ZBBX: variants seen among roughly 807,000 people sequenced by gnomAD.
The protein encoded by ZBBX is zinc finger B-box domain-containing protein 1.
In ZBBX, 101 loss-of-function variants were observed where a neutral mutation model predicts 108.5. The ratio of observed to expected loss-of-function variants is 0.93; its 90% CI spans 0.79 to 1.10. ZBBX has a LOEUF of 1.10. Ranked by LOEUF, ZBBX falls within the 50% of genes least tolerant of loss-of-function variation. The pLI is 0.00. For synonymous variants in ZBBX, 356 were observed against 323.4 expected (o/e 1.10, Z -1.08); for missense variants, 1,009 against 941.4 (o/e 1.07, Z -0.94).
chr3:167,368,818 A>T (rs897967403), intron 4 of ZBBX: 2 of 863,120 alleles, frequency 2.3e-6, no homozygotes, highest in Non-Finnish European at 2.9e-6. Context: ...GGGGTTCAAA[A>T]TTATAATTAA....
chr3:167,355,763 CAACT>C (rs1291073456), intron 8 of ZBBX, among the ~76,000 whole-genome samples: 2 of 151,922 alleles, frequency 1.3e-5, no homozygotes, highest in African/African-American at 4.8e-5. Context: ...TATGTTTTGA[CAACT>C]AACATGGGAT....
intron 1 of ZBBX, among the ~76,000 whole-genome samples, chr3:167,395,281 T>C (rs1001819013): frequency 6.6e-6 from 1 of 152,048 alleles, no homozygotes; most frequent in African/African-American, 2.4e-5. Context: ...TTCTTGAATA[T>C]CACATGCTTT....
intron 7 of ZBBX, 151 bp from the exon 8 acceptor site, chr3:167,360,130 T>C (rs985899866): frequency 1.6e-4 from 33 of 212,190 alleles, no homozygotes; most frequent in Non-Finnish European, 2.7e-4. Context: ...TTATATATAT[T>C]CATAATAAAT....
At chr3:167,263,129 C>T (rs1038033744) in intron 20 of ZBBX, among the ~76,000 whole-genome samples, 64 of 148,268 alleles carry the variant, frequency 4.3e-4, no homozygotes, top group African/African-American at 1.5e-3. Context: ...CCTTCACCTC[C>T]TGGCTCAAGC....
chr3:167,317,883 C>G (rs1735728016), intron 12 of ZBBX, among the ~76,000 whole-genome samples: 1 of 151,960 alleles, frequency 6.6e-6, no homozygotes, highest in Admixed American at 6.6e-5. Context: ...AGTGTTCTCT[C>G]AAAAGCCACA....
At chr3:167,232,006 C>T in the ZBBX span, among the ~76,000 whole-genome samples, 2 of 151,590 alleles carry the variant, frequency 1.3e-5, no homozygotes, top group South Asian at 2.1e-4. Context: ...GAAAAATTGG[C>T]CATTTGATAT....
chr3:167,232,213 T>C, the ZBBX span, among the ~76,000 whole-genome samples: 3 of 151,844 alleles, frequency 2.0e-5, no homozygotes. Flanking sequence ...CAATGAACTG[T>C]GTTTCACTAA....
chr3:167,359,410 T>C (rs1436754606), intron 8 of ZBBX, among the ~76,000 whole-genome samples: 1 of 152,076 alleles, frequency 6.6e-6, no homozygotes, highest in South Asian at 2.1e-4. Context: ...ATCCATCTCA[T>C]AGTAAATTAT....
intron 20 of ZBBX, among the ~76,000 whole-genome samples, chr3:167,264,910 C>T (rs12490259): frequency 2.6e-5 from 4 of 152,138 alleles, no homozygotes; most frequent in Non-Finnish European, 5.9e-5. Flanking sequence ...CTAAAGCCCA[C>T]GGGCTCTTCC....
chr3:167,392,435 A>G (rs1748106198), intron 1 of ZBBX, among the ~76,000 whole-genome samples: 1 of 151,842 alleles, frequency 6.6e-6, no homozygotes, highest in African/African-American at 2.4e-5. Context: ...TTGAGTAAAC[A>G]TCTAGTACCA....
chr3:167,396,144 T>G (rs938328932), intron 1 of ZBBX, among the ~76,000 whole-genome samples: 1 of 152,044 alleles, frequency 6.6e-6, no homozygotes, highest in Non-Finnish European at 1.5e-5. Context: ...TAAGTTATGC[T>G]GACTGTATGT....
the ZBBX span, among the ~76,000 whole-genome samples, chr3:167,227,369 T>G: frequency 6.6e-6 from 1 of 151,674 alleles, no homozygotes; most frequent in Non-Finnish European, 1.5e-5. Flanking sequence ...AAGAGAAGCC[T>G]TTAGGAAGGA....
rs975470391 is a variant in ZBBX, at chr3:167,346,636, C to T, written c.528+3784G>A. Among the ~76,000 whole-genome samples, 8 of 151,928 alleles carry T rather than the reference C, an allele frequency of 5.3e-5. No homozygotes were observed. The East Asian group carries it at 7.7e-4, about 15-fold the overall frequency. On this transcript the variant is annotated intron_variant, in intron 9 of 21. Transcript: ENST00000675490. ...AATATTCATCTGTCGGATGTCTTCC[C>T]TAACTTCTCAAATTAGGAATGGATT...
chr3:167,185,772 CT>C, the ZBBX span, among the ~76,000 whole-genome samples: 1 of 152,060 alleles, frequency 6.6e-6, no homozygotes, highest in African/African-American at 2.4e-5. Context: ...ACACATACTG[CT>C]TTTCCACCTA....
chr3:167,354,897 A>C (rs572525899), intron 8 of ZBBX, among the ~76,000 whole-genome samples: 105 of 152,108 alleles, frequency 6.9e-4, no homozygotes, highest in African/African-American at 2.5e-3. Context: ...TTGCAGAGTA[A>C]GCTTATATAT....
intron 10 of ZBBX, among the ~76,000 whole-genome samples, chr3:167,333,517 T>A (rs12492410): frequency 6.6e-6 from 1 of 151,940 alleles, no homozygotes; most frequent in African/African-American, 2.4e-5. Context: ...ATTGTTATAT[T>A]GCATTGTGGT....
rs571634587 is a variant in ZBBX, at chr3:167,266,242, C to T, written c.2254+15996G>A. On this transcript the variant is annotated intron_variant, in intron 20 of 21. Coordinates refer to ENST00000675490, the MANE Select transcript of ZBBX (RefSeq NM_001199201.2). The stretch of plus-strand genomic sequence containing the variant: ...TATTTGTAAAAATAATGGATTAAAC[C>T]ATATAAAGTTGCCAATATTCTACTT... Among the ~76,000 whole-genome samples, 8 of 152,226 alleles carry T rather than the reference C, an allele frequency of 5.3e-5. No homozygotes were observed. In the South Asian group the frequency reaches 1.5e-3, roughly 28 times the overall value.
At chr3:167,388,995 T>C (rs1228439338) in intron 1 of ZBBX, among the ~76,000 whole-genome samples, 1 of 152,084 alleles carries the variant, frequency 6.6e-6, no homozygotes, top group Non-Finnish European at 1.5e-5. Context: ...TGTTCTGGAA[T>C]ACATGTGCAG....
At chr3:167,199,895 T>C in the ZBBX span, among the ~76,000 whole-genome samples, 1 of 152,176 alleles carries the variant, frequency 6.6e-6, no homozygotes, top group Non-Finnish European at 1.5e-5. Flanking sequence ...CTCACAGCTC[T>C]GGAGATTTAA....
Sources: gnomAD v4.1 joint callset for allele counts (sites outside exome capture counted in the v4.1 genomes callset) on GRCh38, gnomAD v4.1.1 for gene constraint, MANE v1.5 for transcripts, NCBI Gene and HGNC (gene_info 2026-07-23, HGNC 2026-07-21) for gene names.